The following DNAH11 variants were observed in gnomAD, a reference collection of about 807,000 sequenced individuals.
DNAH11 encodes the protein dynein axonemal heavy chain 11.
A neutral mutation model predicts 526.0 loss-of-function variants in DNAH11; 442 were observed. That is an observed-to-expected ratio of 0.84 (90% CI 0.78 to 0.91). DNAH11 has a LOEUF of 0.91. DNAH11 is among the 40% of genes least tolerant of loss of function. The pLI is 0.00. For synonymous variants in DNAH11, 2,461 were observed against 1,935.9 expected, an observed-to-expected ratio of 1.27 and a Z score of -7.12; for missense variants, 6,989 against 5,448.7, an observed-to-expected ratio of 1.28 and a Z score of -8.90.
chr7:21,718,714 A>G (rs570291523), intron 43 of DNAH11, among the ~76,000 whole-genome samples: 12 of 152,306 alleles, frequency 7.9e-5, no homozygotes, highest in African/African-American at 2.6e-4. Context: ...AAGGTTTACA[A>G]TTAGAAACCC....
chr7:21,664,411 C>T (rs1290859013), intron 30 of DNAH11, among the ~76,000 whole-genome samples: 2 of 151,722 alleles, frequency 1.3e-5, no homozygotes, highest in African/African-American at 2.4e-5. Flanking sequence ...CCCCTCGCCC[C>T]CGCCCCCGCA....
intron 65 of DNAH11, among the ~76,000 whole-genome samples, chr7:21,832,871 C>T (rs1175083682): frequency 2.0e-5 from 3 of 152,164 alleles, no homozygotes; most frequent in Admixed American, 2.0e-4. Context: ...GATCCTTTTA[C>T]AGGAAAATTT....
chr7:21,690,687 T>C, intron 34 of DNAH11, 78 bp from the exon 35 acceptor site: 1 of 1,042,754 alleles, frequency 9.6e-7, no homozygotes, highest in South Asian at 1.5e-5. Flanking sequence ...ATTTGCATTT[T>C]GCAGTGGTTT....
chr7:21,854,822 C>T (rs1782773407), intron 68 of DNAH11, among the ~76,000 whole-genome samples: 5 of 152,110 alleles, frequency 3.3e-5, no homozygotes, highest in African/African-American at 7.2e-5. Flanking sequence ...AGAGTACAGG[C>T]GTGAACCACC....
At position 21,570,085 on chromosome 7, in the gene DNAH11, C is replaced by T. The variant is rs770023215; in HGVS notation, c.1211C>T (p.Ser404Leu). Residue 404 changes from serine to leucine, a missense_variant, in exon 7 of 82, where the codon TCA becomes TTA. Coordinates refer to ENST00000409508, the MANE Select transcript of DNAH11 (RefSeq NM_001277115.2). The part of the protein sequence containing the change: ...LFINQATAYL[S>L]PEDLLRGEIE... ...AAATCCTAGGCAACAGCTTACCTTT[C>T]ACCTGAGGACCTTTTGAGGGGAGAA... 17 of 1,607,206 alleles carry T rather than the reference C, an allele frequency of 1.1e-5. No homozygotes were observed. The highest frequency in any genetic ancestry group is 1.4e-5 in the Non-Finnish European group (16 of 1,176,766).
At chr7:21,778,937 G>GAAT (rs1389958122) in intron 56 of DNAH11, 21 bp from the exon 57 acceptor site, 2 of 1,611,214 alleles carry the variant, frequency 1.2e-6, no homozygotes, top group South Asian at 2.2e-5. Flanking sequence ...AGTGACGTAA[G>GAAT]AATAATGACT....
chr7:21,544,116 T>G (rs1210406253), intron 1 of DNAH11, among the ~76,000 whole-genome samples: 1 of 152,204 alleles, frequency 6.6e-6, no homozygotes, highest in Non-Finnish European at 1.5e-5. Flanking sequence ...TACTGAACAT[T>G]TAGAGGGAAC....
At chr7:21,745,606 G>A (rs942031750) in intron 51 of DNAH11, among the ~76,000 whole-genome samples, 4 of 152,194 alleles carry the variant, frequency 2.6e-5, no homozygotes, top group Non-Finnish European at 4.4e-5. Context: ...CATTGTTCTA[G>A]GTGCTGAGAT....
At chr7:21,636,858 T>A (rs138432514) in intron 26 of DNAH11, among the ~76,000 whole-genome samples, 47 of 152,290 alleles carry the variant, frequency 3.1e-4, no homozygotes, top group East Asian at 1.5e-3. Flanking sequence ...AACAGATTCA[T>A]CTTCAGAAGT....
intron 25 of DNAH11, among the ~76,000 whole-genome samples, chr7:21,635,141 A>AGTTT (rs56996600): frequency 0.01 from 1,517 of 151,214 alleles, 12 homozygotes; most frequent in African/African-American, 0.022. Context: ...GGTGGGGGGC[A>AGTTT]GTTTGTTTGT....
intron 74 of DNAH11, among the ~76,000 whole-genome samples, chr7:21,873,922 C>T (rs1783598753): frequency 6.7e-6 from 1 of 149,194 alleles, no homozygotes; most frequent in South Asian, 2.1e-4. Context: ...TCCTGAGTAG[C>T]TGTGATTACA....
chr7:21,822,354 C>A (rs1285696448), intron 65 of DNAH11, among the ~76,000 whole-genome samples: 1 of 152,022 alleles, frequency 6.6e-6, no homozygotes, highest in African/African-American at 2.4e-5. Flanking sequence ...CTCTTTTAAA[C>A]AACCATATTT....
At chr7:21,728,311 G>A (rs2128486533) in intron 45 of DNAH11, among the ~76,000 whole-genome samples, 1 of 132,838 alleles carries the variant, frequency 7.5e-6, no homozygotes, top group Admixed American at 8.4e-5. Context: ...AGGCTGGAGT[G>A]CAGTGGTGCA....
At position 21,564,322 on chromosome 7, in the gene DNAH11, T is replaced by C. The variant is rs1157040937; in HGVS notation, c.1119T>C (p.Ser373=). ...PLFHTICLIW[S]HSKFYNTPAR... ...TTCATACCATCTGTCTGATCTGGAG[T>C]CATTCCAAGTTTTATAACACCCCAG... The change falls in exon 6 of 82, where the codon AGT becomes AGC. Residue 373 remains serine (S), a synonymous_variant. Transcript: ENST00000409508. The C allele has an allele frequency of 6.2e-6, 10 of 1,613,468 alleles. No individual in the cohort carries two copies. Among genetic ancestry groups the C allele is most frequent in the Non-Finnish European group, 8.5e-6 (10 of 1,179,694 alleles).
intron 75 of DNAH11, among the ~76,000 whole-genome samples, chr7:21,882,790 CTG>C (rs1783970834): frequency 6.6e-6 from 1 of 152,022 alleles, no homozygotes. Flanking sequence ...GAGTAAAACT[CTG>C]TCTCAAAAAC....
chr7:21,680,340 A>G (rs1420410436), intron 30 of DNAH11, among the ~76,000 whole-genome samples: 2 of 152,224 alleles, frequency 1.3e-5, no homozygotes, highest in Admixed American at 6.5e-5. Context: ...TGAAGAGAAA[A>G]GGGGATGGTA....
At chr7:21,642,972 C>G (rs1319299699) in intron 28 of DNAH11, among the ~76,000 whole-genome samples, 1 of 152,140 alleles carries the variant, frequency 6.6e-6, no homozygotes, top group Non-Finnish European at 1.5e-5. Context: ...TTCCTTCCCT[C>G]AAAATTTAGC....
intron 31 of DNAH11, among the ~76,000 whole-genome samples, chr7:21,682,635 CA>C (rs1238346314): frequency 1.3e-5 from 2 of 150,946 alleles, no homozygotes; most frequent in African/African-American, 4.9e-5. Flanking sequence ...TTCCTATTTA[CA>C]AAAGTCAGGA....
chr7:21,828,738 C>CT (rs57879254), intron 65 of DNAH11, among the ~76,000 whole-genome samples: 22,242 of 136,302 alleles, frequency 0.16, 1,873 homozygotes, highest in East Asian at 0.33. Flanking sequence ...CTACTTATGA[C>CT]TTTTTTTTTT....
Sources: gnomAD v4.1 joint callset for allele counts (sites outside exome capture counted in the v4.1 genomes callset) on GRCh38, gnomAD v4.1.1 for gene constraint, MANE v1.5 for transcripts, NCBI Gene and HGNC (gene_info 2026-07-23, HGNC 2026-07-21) for gene names.